Variants in RBM19 observed in about 807,000 individuals in gnomAD.
RBM19 encodes the protein probable RNA-binding protein 19.
A neutral mutation model predicts 116.8 loss-of-function variants in RBM19; 94 were observed. The ratio of observed to expected loss-of-function variants is 0.80; its 90% CI spans 0.68 to 0.95. The LOEUF (loss-of-function observed/expected upper bound fraction) is 0.95, where lower values mean the gene tolerates loss of function less well. RBM19 is among the 40% of genes least tolerant of loss of function. The pLI, the probability that RBM19 is intolerant of heterozygous loss-of-function variation, is 0.00. For missense variants in RBM19, 1,161 were observed against 1,220.7 expected, an observed-to-expected ratio of 0.95 and a Z score of 0.73; for synonymous variants, 475 against 494.1, an observed-to-expected ratio of 0.96 and a Z score of 0.51.
chr12:113,870,284 C>G (rs1879120736), intron 21 of RBM19, among the ~76,000 whole-genome samples: 1 of 152,176 alleles, frequency 6.6e-6, no homozygotes, highest in African/African-American at 2.4e-5. Context: ...TTCAGGGTGG[C>G]CGCTCAACTT....
intron 21 of RBM19, among the ~76,000 whole-genome samples, chr12:113,895,736 C>T (rs1376179285): frequency 6.6e-6 from 1 of 151,966 alleles, no homozygotes; most frequent in African/African-American, 2.4e-5. Context: ...TTAAATTTTA[C>T]TTTCAGCAAG....
intron 15 of RBM19, among the ~76,000 whole-genome samples, chr12:113,939,749 C>CAAA (rs369339749): frequency 0.16 from 22,902 of 140,034 alleles, 2,363 homozygotes; most frequent in African/African-American, 0.31. Context: ...GACTCTGTCT[C>CAAA]AAAAAAAAAA....
chr12:113,937,195 G>T, intron 15 of RBM19, 59 bp from the exon 16 acceptor site: 2 of 1,594,674 alleles, frequency 1.3e-6, no homozygotes, highest in South Asian at 1.1e-5. Context: ...GCTGGGGAGG[G>T]ACTCAGTCCC....
intron 17 of RBM19, among the ~76,000 whole-genome samples, chr12:113,926,118 A>AGCCAGAGGGT (rs1347450964): frequency 6.6e-6 from 1 of 152,112 alleles, no homozygotes; most frequent in African/African-American, 2.4e-5. Flanking sequence ...ACAGAGGCTG[A>AGCCAGAGGGT]GCCAGAGGGT....
At chr12:113,818,574 T>C (rs1016468990), downstream of RBM19, among the ~76,000 whole-genome samples, 3 of 152,154 alleles carry the variant, frequency 2.0e-5, no homozygotes, top group Non-Finnish European at 2.9e-5. Context: ...ACAATAATGA[T>C]GGCAACTACC....
At chr12:113,910,347 C>A (rs567535968) in intron 21 of RBM19, among the ~76,000 whole-genome samples, 1 of 152,330 alleles carries the variant, frequency 6.6e-6, no homozygotes, top group East Asian at 1.9e-4. Context: ...CTCCAAACTT[C>A]CCGATTCTTC....
intron 21 of RBM19, among the ~76,000 whole-genome samples, chr12:113,910,657 G>A (rs1173964649): frequency 1.3e-5 from 2 of 152,294 alleles, no homozygotes; most frequent in Admixed American, 6.5e-5. Context: ...TCATATAGAA[G>A]GCAGGTTTAA....
chr12:113,844,330 G>T (rs1262774209), intron 23 of RBM19, among the ~76,000 whole-genome samples: 1 of 152,222 alleles, frequency 6.6e-6, no homozygotes, highest in Non-Finnish European at 1.5e-5. Context: ...AGAGCCAACG[G>T]CCACGAGCTG....
chr12:113,892,371 C>T (rs1247793256), intron 21 of RBM19, among the ~76,000 whole-genome samples: 5 of 152,182 alleles, frequency 3.3e-5, no homozygotes, highest in Non-Finnish European at 4.4e-5. Context: ...GCAAGGCAGA[C>T]AGAAACAGGA....
intron 8 of RBM19, among the ~76,000 whole-genome samples, chr12:113,950,869 T>C (rs1250544868): frequency 1.3e-5 from 2 of 152,110 alleles, no homozygotes; most frequent in Non-Finnish European, 2.9e-5. Flanking sequence ...TCCATCCCCA[T>C]AAACATCTTC....
At chr12:113,943,747 C>T (rs925271539) in intron 13 of RBM19, among the ~76,000 whole-genome samples, 1 of 152,082 alleles carries the variant, frequency 6.6e-6, no homozygotes, top group Admixed American at 6.6e-5. Context: ...TGCTTGAACC[C>T]GAGAGGCAGA....
At chr12:113,959,039 C>T (rs766137650) in intron 5 of RBM19, among the ~76,000 whole-genome samples, 173 bp downstream of exon 5, 1 of 152,230 alleles carries the variant, frequency 6.6e-6, no homozygotes, top group Non-Finnish European at 1.5e-5. Context: ...TGACTGAATA[C>T]ACAACTAGGA....
At chr12:113,865,775 CT>C in intron 21 of RBM19, among the ~76,000 whole-genome samples, 1 of 151,932 alleles carries the variant, frequency 6.6e-6, no homozygotes, top group Non-Finnish European at 1.5e-5. Flanking sequence ...AATCAACACT[CT>C]TTCCAAAGTA....
At chr12:113,947,915 A>C (rs1871173677) in intron 10 of RBM19, among the ~76,000 whole-genome samples, 1 of 152,214 alleles carries the variant, frequency 6.6e-6, no homozygotes, top group African/African-American at 2.4e-5. Context: ...TTTCCTTCCC[A>C]AATGGACATT....
chr12:113,828,751 C>T (rs1025673027), intron 23 of RBM19, among the ~76,000 whole-genome samples: 1 of 152,060 alleles, frequency 6.6e-6, no homozygotes, highest in Non-Finnish European at 1.5e-5. Context: ...GGAAGGCTGG[C>T]TGAACCAGAC....
At chr12:113,882,768 C>T (rs1433959036) in intron 21 of RBM19, among the ~76,000 whole-genome samples, 1 of 152,196 alleles carries the variant, frequency 6.6e-6, no homozygotes. Flanking sequence ...AAAGCATGTG[C>T]TTACTGGGCA....
chr12:113,835,835 T>G (rs1244580108), intron 23 of RBM19, among the ~76,000 whole-genome samples: 5 of 152,100 alleles, frequency 3.3e-5, no homozygotes, highest in Non-Finnish European at 5.9e-5. Flanking sequence ...CCATCAGTCC[T>G]CCCCAGCTGG....
intron 21 of RBM19, among the ~76,000 whole-genome samples, chr12:113,862,619 C>T (rs997225726): frequency 2.0e-5 from 3 of 152,126 alleles, no homozygotes; most frequent in Non-Finnish European, 2.9e-5. Flanking sequence ...ACCTTTGTCT[C>T]CTGGGAGCTG....
In RBM19 at chr12:113,823,105, G is replaced by A; in HGVS notation, c.*119C>T. On this transcript the variant is annotated 3_prime_UTR_variant, in exon 24 of 24. Coordinates refer to ENST00000261741, the MANE Select transcript of RBM19 (RefSeq NM_016196.4). ...CTCCTCCGACCTTGGACCAGTGCAG[G>A]GTGGGGCCGCCTGCCGCTCCCCGCC... is the stretch of plus-strand genomic sequence containing the variant. 1.1e-6 allele frequency: 1 copy of A among 892,004 alleles called. No homozygotes were observed. The highest frequency in any genetic ancestry group is 1.7e-6 in the Non-Finnish European group (1 of 585,654). 55.3% of individuals were successfully genotyped at this position (892,004 alleles called of 1,614,324 possible).
Sources: allele counts gnomAD v4.1 joint callset (sites outside exome capture counted in the v4.1 genomes callset), GRCh38; gene constraint gnomAD v4.1.1; transcripts MANE v1.5; gene names NCBI Gene and HGNC (gene_info 2026-07-23, HGNC 2026-07-21).